SLC9A9: variants seen among roughly 807,000 people sequenced by gnomAD.
SLC9A9 encodes the protein solute carrier family 9 member A9.
In SLC9A9, 62 loss-of-function variants were observed where a neutral mutation model predicts 77.8. The observed-to-expected ratio is 0.80, with a 90% CI of 0.65 to 0.98. The LOEUF is 0.98. Ranked by LOEUF, SLC9A9 falls within the 50% of genes least tolerant of loss-of-function variation. The probability of loss-of-function intolerance (pLI) is 0.00; values close to 1 mark genes in which losing one functional copy is unlikely to be tolerated. For missense variants in SLC9A9, 775 were observed against 774.9 expected, an observed-to-expected ratio of 1.00 and a Z score of 0.00; for synonymous variants, 320 against 283.5, an observed-to-expected ratio of 1.13 and a Z score of -1.29.
chr3:143,505,423 T>C (rs2035997301), intron 9 of SLC9A9, among the ~76,000 whole-genome samples: 1 of 152,208 alleles, frequency 6.6e-6, no homozygotes, highest in African/African-American at 2.4e-5. Context: ...ATTATGTATA[T>C]GCCTAGAGTA....
At chr3:143,813,060 A>G (rs1370319504) in intron 2 of SLC9A9, among the ~76,000 whole-genome samples, 1 of 152,044 alleles carries the variant, frequency 6.6e-6, no homozygotes, top group Non-Finnish European at 1.5e-5. Context: ...CATTTGGCAT[A>G]AGAATTTTCT....
At chr3:143,580,586 C>T (rs569558763) in intron 6 of SLC9A9, among the ~76,000 whole-genome samples, 2 of 152,066 alleles carry the variant, frequency 1.3e-5, no homozygotes, top group Admixed American at 6.5e-5. Flanking sequence ...ATCATAAGTT[C>T]GATGTGCTAA....
chr3:143,643,197 T>C (rs1307852572), intron 6 of SLC9A9, among the ~76,000 whole-genome samples: 1 of 152,166 alleles, frequency 6.6e-6, no homozygotes, highest in Non-Finnish European at 1.5e-5. Context: ...TTCAGTGTAT[T>C]TGGAAATAGG....
At chr3:143,682,256 A>AT (rs1005275314) in intron 5 of SLC9A9, among the ~76,000 whole-genome samples, 42 of 152,264 alleles carry the variant, frequency 2.8e-4, no homozygotes, top group African/African-American at 9.4e-4. Flanking sequence ...ACCTTCATGA[A>AT]TTTTTTTAAA....
At chr3:143,724,910 C>G (rs1330908263) in intron 4 of SLC9A9, among the ~76,000 whole-genome samples, 2 of 152,000 alleles carry the variant, frequency 1.3e-5, no homozygotes, top group African/African-American at 4.8e-5. Context: ...TCAGGTGGCT[C>G]AAAATCCTCA....
chr3:143,393,052 C>A (rs951011446), intron 12 of SLC9A9, among the ~76,000 whole-genome samples: 13 of 152,156 alleles, frequency 8.5e-5, no homozygotes, highest in Non-Finnish European at 1.8e-4. Context: ...AGAAAGTTAA[C>A]AAGGATATCC....
intron 12 of SLC9A9, among the ~76,000 whole-genome samples, chr3:143,395,088 G>GA (rs1434820243): frequency 2.6e-5 from 4 of 152,100 alleles, no homozygotes; most frequent in Non-Finnish European, 5.9e-5. Context: ...CACAGAATTG[G>GA]AAAAAACTAC....
intron 12 of SLC9A9, among the ~76,000 whole-genome samples, chr3:143,397,100 G>A (rs555174219): frequency 2.0e-5 from 3 of 152,250 alleles, no homozygotes; most frequent in South Asian, 2.1e-4. Flanking sequence ...TTCAGGCTAC[G>A]GATAAGAGTC....
chr3:143,702,057 T>C (rs1933820038), intron 4 of SLC9A9, among the ~76,000 whole-genome samples: 1 of 152,178 alleles, frequency 6.6e-6, no homozygotes, highest in Non-Finnish European at 1.5e-5. Context: ...TAGAATAGTA[T>C]ATCTGGTGAA....
rs996780825 is a variant in SLC9A9, at chr3:143,466,960, C to T, written c.1469+77G>A. On this transcript the variant is annotated intron_variant, in intron 12 of 15. Coordinates refer to ENST00000316549, the MANE Select transcript of SLC9A9 (RefSeq NM_173653.4). ...GTAGGACCTGCCACTGTACTATTGACTAAGTCAGCAATACCAGAAATTGAA... is the reference window on the plus strand; with the variant it reads ...GTAGGACCTGCCACTGTACTATTGATTAAGTCAGCAATACCAGAAATTGAA... 2.6e-6 allele frequency: 4 copies of T among 1,545,790 alleles called. No individual in the cohort carries two copies. The Admixed American group carries it at 7.6e-5, about 29-fold the overall frequency.
intron 1 of SLC9A9, among the ~76,000 whole-genome samples, chr3:143,841,550 T>A (rs1305152685): frequency 3.3e-5 from 5 of 152,324 alleles, no homozygotes; most frequent in Admixed American, 3.3e-4. Context: ...TAATTCAATG[T>A]AGATGGTATA....
intron 6 of SLC9A9, among the ~76,000 whole-genome samples, chr3:143,641,355 A>G (rs2038617728): frequency 6.6e-6 from 1 of 151,144 alleles, no homozygotes; most frequent in Non-Finnish European, 1.5e-5. Context: ...TTTCCTTACC[A>G]AATTAAAAAG....
chr3:143,723,315 TTGA>T (rs1380374174), intron 4 of SLC9A9, among the ~76,000 whole-genome samples: 1 of 152,088 alleles, frequency 6.6e-6, no homozygotes, highest in Non-Finnish European at 1.5e-5. Flanking sequence ...AGACAAAAAT[TTGA>T]TAAGACTTCT....
intron 1 of SLC9A9, among the ~76,000 whole-genome samples, chr3:143,846,189 A>G (rs1017209042): frequency 2.0e-5 from 3 of 152,222 alleles, no homozygotes; most frequent in South Asian, 4.1e-4. Context: ...TTACGAAAAC[A>G]ATATCCCCAC....
chr3:143,640,184 G>A (rs1042755134), intron 6 of SLC9A9, among the ~76,000 whole-genome samples: 32 of 151,946 alleles, frequency 2.1e-4, no homozygotes, highest in African/African-American at 7.3e-4. Context: ...ACCACGCCCG[G>A]CTAATTTTTT....
intron 8 of SLC9A9, among the ~76,000 whole-genome samples, chr3:143,567,744 T>C (rs973771345): frequency 1.2e-4 from 18 of 152,272 alleles, no homozygotes; most frequent in Non-Finnish European, 2.6e-4. Flanking sequence ...TGAAAGTGAA[T>C]GCAGGCCACG....
chr3:143,845,008 C>T (rs1285374837), intron 1 of SLC9A9, among the ~76,000 whole-genome samples: 1 of 151,968 alleles, frequency 6.6e-6, no homozygotes, highest in Non-Finnish European at 1.5e-5. Flanking sequence ...TCTTTTAGAC[C>T]TCCTGGAAAA....
intron 9 of SLC9A9, among the ~76,000 whole-genome samples, chr3:143,533,858 C>T (rs1219763559): frequency 6.6e-6 from 1 of 152,146 alleles, no homozygotes; most frequent in East Asian, 1.9e-4. Context: ...TCCTACAATG[C>T]AATACATTTC....
chr3:143,663,110 A>T (rs1254540883), intron 5 of SLC9A9, among the ~76,000 whole-genome samples: 1 of 152,160 alleles, frequency 6.6e-6, no homozygotes, highest in East Asian at 1.9e-4. Flanking sequence ...TCAGGTAGCA[A>T]CTTTGGCTGT....
Sources: allele counts gnomAD v4.1 joint callset (sites outside exome capture counted in the v4.1 genomes callset), GRCh38; gene constraint gnomAD v4.1.1; transcripts MANE v1.5; gene names NCBI Gene and HGNC (gene_info 2026-07-23, HGNC 2026-07-21).